The following KALRN variants were observed in gnomAD, a reference collection of about 807,000 sequenced individuals.
KALRN encodes kalirin.
Under a neutral mutation model 353.7 loss-of-function variants are expected in KALRN, and 70 were observed. The observed-to-expected ratio is 0.20, with a 90% CI of 0.16 to 0.24. The LOEUF (loss-of-function observed/expected upper bound fraction) is 0.24, where lower values mean the gene tolerates loss of function less well. Among genes scored for constraint, KALRN ranks in the 10% least tolerant of loss-of-function variants. The probability of loss-of-function intolerance (pLI) is 1.00; values close to 1 mark genes in which losing one functional copy is unlikely to be tolerated. For missense variants in KALRN, 2,791 were observed against 3,756.7 expected (o/e 0.74, Z 6.72); for synonymous variants, 1,391 against 1,434.8 (o/e 0.97, Z 0.69).
chr3:124,224,862 G>A (rs540801020), intron 1 of KALRN, among the ~76,000 whole-genome samples: 2 of 152,216 alleles, frequency 1.3e-5, no homozygotes, highest in Non-Finnish European at 2.9e-5. Context: ...TATTAGAGCT[G>A]AGTAGTACCC....
At chr3:124,219,803 T>C (rs1253954821) in intron 1 of KALRN, among the ~76,000 whole-genome samples, 3 of 152,030 alleles carry the variant, frequency 2.0e-5, no homozygotes, top group South Asian at 2.1e-4. Context: ...GATTTTCAGG[T>C]TGGGGAGAGG....
rs1365733888 is a variant in KALRN, at chr3:124,642,813, T to TGTTG, written c.5664+5510_5664+5511insGTTG. Reference sequence around the variant, plus strand: ...AAGAGATTCCCAAGCCTCGTTTTTTTTTTTTTTTTTTTTGAGACGGAGTTT... The same window carrying TGTTG: ...AAGAGATTCCCAAGCCTCGTTTTTTTGTTGTTTTTTTTTTTTTGAGACGGAGTTT... On this transcript the variant is annotated intron_variant, in intron 37 of 59. Coordinates refer to ENST00000682506, the MANE Select transcript of KALRN (RefSeq NM_001388419.1). Among the ~76,000 whole-genome samples, 103 of 138,026 alleles carry TGTTG rather than the reference T, an allele frequency of 7.5e-4. 1 individual carries two copies. The highest frequency in any genetic ancestry group is 1.0e-3 in the Non-Finnish European group (68 of 64,884). 90.6% of individuals were successfully genotyped at this position (138,026 alleles called of 152,430 possible).
At chr3:124,642,806 G>GTTGTTGTTTTTTT (rs796628603) in intron 37 of KALRN, among the ~76,000 whole-genome samples, 3 of 96,840 alleles carry the variant, frequency 3.1e-5, no homozygotes, top group African/African-American at 1.3e-4. Flanking sequence ...CCCAAGCCTC[G>GTTGTTGTTTTTTT]TTTTTTTTTT....
chr3:124,115,165 A>G (rs772290583), intron 1 of KALRN, among the ~76,000 whole-genome samples: 3 of 152,156 alleles, frequency 2.0e-5, no homozygotes, highest in African/African-American at 2.4e-5. Context: ...AATAGTCTTT[A>G]TGTGGTGGAT....
rs1184190670 is a variant in KALRN at position 124,725,997 on chromosome 3, T to C, written c.*6527T>C. 1 of 152,250 alleles carries C rather than the reference T, an allele frequency of 6.6e-6. No homozygotes were observed. The allele number at this position is 152,250 out of a possible 1,614,324, so 9.4% of individuals were successfully genotyped here. Reference sequence around the variant, plus strand: ...ACTCCACAGTATTGATAAATAGCTCTATATTTTCAAGGTGCAGAAGAATTC... The same window carrying C: ...ACTCCACAGTATTGATAAATAGCTCCATATTTTCAAGGTGCAGAAGAATTC... On this transcript the variant is annotated 3_prime_UTR_variant, in exon 60 of 60. Transcript: ENST00000682506.
At chr3:124,665,065 A>G (rs1238546672) in intron 45 of KALRN, among the ~76,000 whole-genome samples, 1 of 152,174 alleles carries the variant, frequency 6.6e-6, no homozygotes, top group Non-Finnish European at 1.5e-5. Context: ...TGATCCAGGC[A>G]GAGGGCAGGC....
chr3:124,477,427 T>C, intron 27 of KALRN, 93 bp downstream of exon 27: 2 of 981,188 alleles, frequency 2.0e-6, no homozygotes, highest in Non-Finnish European at 3.2e-6. Context: ...CTATCCTTTT[T>C]TCCTAATTTT....
chr3:124,483,435 C>T (rs1028877423), intron 28 of KALRN, among the ~76,000 whole-genome samples: 1 of 152,100 alleles, frequency 6.6e-6, no homozygotes, highest in Non-Finnish European at 1.5e-5. Context: ...ACCTGTAATC[C>T]CAATTACTCG....
intron 1 of KALRN, among the ~76,000 whole-genome samples, chr3:124,220,559 C>G (rs1442588165): frequency 6.6e-6 from 1 of 152,166 alleles, no homozygotes; most frequent in Non-Finnish European, 1.5e-5. Flanking sequence ...GAATGAAGAT[C>G]TTGCTTCTAA....
At chr3:124,516,208 T>G (rs1001358849) in intron 33 of KALRN, among the ~76,000 whole-genome samples, 1 of 152,186 alleles carries the variant, frequency 6.6e-6, no homozygotes, top group Non-Finnish European at 1.5e-5. Flanking sequence ...AACATACAAA[T>G]GTACAAATAT....
rs144478762 is a variant in KALRN, at chr3:124,269,407, C to G, written c.969+152C>G. ...GCTAATGTAATTTTTTTAAGCTCAC[C>G]CTTATATAGTGTGTATTATGTGCCC... On this transcript the variant is annotated intron_variant, in intron 5 of 59. Transcript: ENST00000682506. 9.6e-4 allele frequency: 727 copies of G among 754,004 alleles called. 6 individuals carry two copies. The African/African-American group carries it at 0.012, about 12-fold the overall frequency. The allele number at this position is 754,004 out of a possible 1,614,324, so 46.7% of individuals were successfully genotyped here.
chr3:124,643,492 G>T (rs1324525433), intron 37 of KALRN, among the ~76,000 whole-genome samples: 3 of 152,116 alleles, frequency 2.0e-5, no homozygotes, highest in South Asian at 2.1e-4. Context: ...TTGTTGTTCG[G>T]TTTTTTTGAC....
chr3:124,618,788 C>G (rs1381117576), intron 34 of KALRN, among the ~76,000 whole-genome samples: 1 of 152,102 alleles, frequency 6.6e-6, no homozygotes, highest in East Asian at 1.9e-4. Flanking sequence ...GGTGCCCACT[C>G]CAGCCTCGGA....
intron 7 of KALRN, 126 bp from the exon 8 acceptor site, chr3:124,329,735 A>T: frequency 2.9e-6 from 3 of 1,039,052 alleles, no homozygotes; most frequent in Admixed American, 2.3e-5. Flanking sequence ...TACCCTCTAC[A>T]GTGGTCTCTG....
At chr3:124,561,383 C>T (rs2071989376) in intron 33 of KALRN, among the ~76,000 whole-genome samples, 1 of 152,208 alleles carries the variant, frequency 6.6e-6, no homozygotes, top group African/African-American at 2.4e-5. Flanking sequence ...GCACAGACTC[C>T]CTGCCCTGTA....
intron 34 of KALRN, among the ~76,000 whole-genome samples, chr3:124,583,237 C>T (rs1024494458): frequency 8.5e-5 from 13 of 152,158 alleles, no homozygotes; most frequent in Non-Finnish European, 1.8e-4. Flanking sequence ...TTTTTCATTC[C>T]TCCCACAAAC....
intron 5 of KALRN, among the ~76,000 whole-genome samples, chr3:124,282,883 A>T (rs891520070): frequency 5.3e-5 from 8 of 152,112 alleles, no homozygotes; most frequent in Non-Finnish European, 1.0e-4. Context: ...ATGGCCCCTT[A>T]CCTGTCTGAG....
intron 23 of KALRN, among the ~76,000 whole-genome samples, chr3:124,460,018 G>A (rs967668342): frequency 5.9e-5 from 9 of 152,204 alleles, no homozygotes; most frequent in Non-Finnish European, 8.8e-5. Flanking sequence ...TGAGGGCAGT[G>A]AGGGGAGGGT....
At chr3:124,138,779 G>A (rs1331527892) in intron 1 of KALRN, among the ~76,000 whole-genome samples, 3 of 152,156 alleles carry the variant, frequency 2.0e-5, no homozygotes, top group Non-Finnish European at 4.4e-5. Context: ...AGTACAGAGG[G>A]GGTAACTCCT....
Sources: allele counts gnomAD v4.1 joint callset (sites outside exome capture counted in the v4.1 genomes callset), GRCh38; gene constraint gnomAD v4.1.1; transcripts MANE v1.5; gene names NCBI Gene and HGNC (gene_info 2026-07-23, HGNC 2026-07-21).